LAMA1: variants seen among roughly 807,000 people sequenced by gnomAD.
The protein encoded by LAMA1 is laminin subunit alpha 1, also known as laminin subunit alpha-1.
In LAMA1, 219 loss-of-function variants were observed where a neutral mutation model predicts 348.7. That is an observed-to-expected ratio of 0.63 (90% CI 0.56 to 0.70). The LOEUF is 0.70. Among genes scored for constraint, LAMA1 ranks in the 30% least tolerant of loss-of-function variants. The pLI, the probability that LAMA1 is intolerant of heterozygous loss-of-function variation, is 0.00. For missense variants in LAMA1, 3,744 were observed against 3,888.0 expected (o/e 0.96, Z 0.99); for synonymous variants, 1,487 against 1,491.0 (o/e 1.00, Z 0.06).
chr18:6,947,145 T>C lies in LAMA1; in HGVS notation c.8844+18A>G, dbSNP rs1253550932. On this transcript the variant is annotated intron_variant, in intron 61 of 62. Transcript: ENST00000389658. ...GACACTGGGGGGAGGAAGACCCTCATGGAGAGGAAGCACCCACCTTGCCGT... is the reference window on the plus strand; with the variant it reads ...GACACTGGGGGGAGGAAGACCCTCACGGAGAGGAAGCACCCACCTTGCCGT... 10 of 1,614,050 alleles carry C rather than the reference T, an allele frequency of 6.2e-6. No homozygotes were observed. Among genetic ancestry groups the C allele is most frequent in the Non-Finnish European group, 8.5e-6 (10 of 1,180,030 alleles).
At chr18:7,052,439 A>C (rs954239750) in intron 3 of LAMA1, among the ~76,000 whole-genome samples, 1 of 151,402 alleles carries the variant, frequency 6.6e-6, no homozygotes, top group Non-Finnish European at 1.5e-5. Flanking sequence ...TCAAAAAAAA[A>C]AAAATGGCTG....
chr18:7,034,677 G>C lies in LAMA1; in HGVS notation c.1853C>G (p.Thr618Ser). 6.2e-7 allele frequency: 1 copy of C among 1,613,668 alleles called. No homozygotes were observed. The highest frequency in any genetic ancestry group is 8.5e-7 in the Non-Finnish European group (1 of 1,179,564). The change falls in exon 14 of 63, where the codon ACT (threonine) becomes AGT (serine). Residue 618 changes from threonine (T) to serine (S), a missense_variant. By Grantham distance (58) the Thr-to-Ser change is moderately conservative (BLOSUM62 1). Transcript: ENST00000389658. ...ADVIIKGNGL[T>S]LSTQAEGLSL... ...CAGACCCTCAGCCTGTGTGCTTAAA[G>C]TGAGTCCGTTTCCCTAACATTTAAA...
intron 44 of LAMA1, 141 bp from the exon 45 acceptor site, chr18:6,976,221 A>G: frequency 1.3e-6 from 1 of 770,194 alleles, no homozygotes. Context: ...TTCATGTTTC[A>G]TGAAGTGACA....
chr18:6,993,845 C>CT, intron 34 of LAMA1, 93 bp from the exon 35 acceptor site: 1 of 780,836 alleles, frequency 1.3e-6, no homozygotes, highest in African/African-American at 1.7e-5. Context: ...ACTGTTGCCG[C>CT]TTATAAGCAA....
chr18:7,038,348 C>G (rs1382074389), intron 11 of LAMA1, among the ~76,000 whole-genome samples: 1 of 152,124 alleles, frequency 6.6e-6, no homozygotes, highest in Non-Finnish European at 1.5e-5. Context: ...ACTCCCTGTT[C>G]CGGAAACAAC....
Position 6,977,446 on chromosome 18 carries a change from A to C in LAMA1, c.6345+281T>G, listed in dbSNP as rs553034607. Among the ~76,000 whole-genome samples the C allele has an allele frequency of 9.0e-4, 137 of 152,344 alleles. 1 individual carries two copies. Among genetic ancestry groups the C allele is most frequent in the African/African-American group, 3.1e-3 (130 of 41,592 alleles). On this transcript the variant is annotated intron_variant, in intron 44 of 62. Coordinates refer to ENST00000389658, the MANE Select transcript of LAMA1 (RefSeq NM_005559.4). Reference sequence around the variant, plus strand: ...CCGCACTGTCCAGGCTAATAGTTTTAAATTTAGTCTATAATGATAAATCTC... The same window carrying C: ...CCGCACTGTCCAGGCTAATAGTTTTCAATTTAGTCTATAATGATAAATCTC...
intron 15 of LAMA1, 44 bp downstream of exon 15, chr18:7,032,940 T>C (rs2057977077): frequency 7.0e-7 from 1 of 1,427,704 alleles, no homozygotes; most frequent in African/African-American, 1.4e-5. Context: ...GTTTTCCCCT[T>C]AGGAAGGAAC....
chr18:7,098,356 A>C lies in LAMA1; in HGVS notation c.62-17899T>G, dbSNP rs886101501. Among the ~76,000 whole-genome samples, 25 of 146,664 alleles carry C rather than the reference A, an allele frequency of 1.7e-4. 1 individual carries two copies. Among genetic ancestry groups the C allele is most frequent in the Non-Finnish European group, 2.4e-4 (16 of 66,624 alleles). Reference sequence around the variant, plus strand: ...CCCTCTGCCTGGCTGCCCAGTCTGGAAAGTGAGGAGCGTCTCCGCCCGGCC... The same window carrying C: ...CCCTCTGCCTGGCTGCCCAGTCTGGCAAGTGAGGAGCGTCTCCGCCCGGCC... On this transcript the variant is annotated intron_variant, in intron 1 of 62. Coordinates refer to ENST00000389658, the MANE Select transcript of LAMA1 (RefSeq NM_005559.4).
At chr18:6,947,022 A>C in intron 61 of LAMA1, 141 bp downstream of exon 61, 1 of 1,094,104 alleles carries the variant, frequency 9.1e-7, no homozygotes, top group South Asian at 1.4e-5. Context: ...TTCTTGTAGC[A>C]ATATCTGTTT....
chr18:7,109,610 G>C (rs943133054), intron 1 of LAMA1, among the ~76,000 whole-genome samples: 1 of 152,136 alleles, frequency 6.6e-6, no homozygotes, highest in Non-Finnish European at 1.5e-5. Context: ...TACATTTCAG[G>C]TGAGAGAGTC....
At chr18:6,977,929 G>C in intron 43 of LAMA1, 48 bp from the exon 44 acceptor site, 4 of 1,586,624 alleles carry the variant, frequency 2.5e-6, no homozygotes, top group Non-Finnish European at 3.4e-6. Context: ...TGGGGAGAGG[G>C]AAAAACAAGA....
At chr18:6,958,446 G>T (rs1234879851) in intron 55 of LAMA1, 31 bp downstream of exon 55, 1 of 1,609,310 alleles carries the variant, frequency 6.2e-7, no homozygotes, top group South Asian at 1.1e-5. Flanking sequence ...GTCAGAAAGT[G>T]CAAGAACATG....
At chr18:7,003,557 C>T (rs933136835) in intron 29 of LAMA1, among the ~76,000 whole-genome samples, 1 of 152,054 alleles carries the variant, frequency 6.6e-6, no homozygotes, top group Non-Finnish European at 1.5e-5. Flanking sequence ...CGTGCCCGGC[C>T]AAAAAGGTAC....
At position 7,007,289 on chromosome 18, in the gene LAMA1, A is replaced by G. The variant is rs1302943806; in HGVS notation, c.4123-13T>C. The G allele has an allele frequency of 1.2e-6, 2 of 1,611,602 alleles. No homozygotes were observed. The highest frequency in any genetic ancestry group is 2.2e-5 in the South Asian group (2 of 90,786). On this transcript the variant is annotated splice_polypyrimidine_tract_variant and intron_variant, in intron 28 of 62. Transcript: ENST00000389658. ...CAGGGGCGCAGTCCTGAGGGGGTGC[A>G]AAAGGGAGGACAAAAAAGTCTGATT...
At chr18:7,051,362 TA>T (rs1376289900) in intron 3 of LAMA1, among the ~76,000 whole-genome samples, 2 of 152,270 alleles carry the variant, frequency 1.3e-5, no homozygotes, top group East Asian at 3.9e-4. Flanking sequence ...ATAATTTTTT[TA>T]AAAAATAGAA....
chr18:6,950,809 T>G lies in LAMA1; in HGVS notation c.8370A>C (p.Ala2790=). 1 of 1,614,090 alleles carries G rather than the reference T, an allele frequency of 6.2e-7. No homozygotes were observed. The highest frequency in any genetic ancestry group is 8.5e-7 in the Non-Finnish European group (1 of 1,179,990). ...GKGRTKVSHP[A]LLSDGKWHTV... ...TGTGCCACTTGCCATCACTGAGCAGTGCAGGGTGAGAGACCTTTGTTCTGC... is the reference window on the plus strand; with the variant it reads ...TGTGCCACTTGCCATCACTGAGCAGGGCAGGGTGAGAGACCTTTGTTCTGC... Residue 2790 remains alanine, a synonymous_variant, in exon 58 of 63, where the codon GCA becomes GCC. Coordinates refer to ENST00000389658, the MANE Select transcript of LAMA1 (RefSeq NM_005559.4).
In LAMA1 at chr18:7,051,481, A is replaced by G; in HGVS notation, c.346-545T>C. Among the ~76,000 whole-genome samples, 2 of 152,192 alleles carry G rather than the reference A, an allele frequency of 1.3e-5. 1 individual carries two copies. The highest frequency in any genetic ancestry group is 2.9e-5 in the Non-Finnish European group (2 of 68,040). ...AACTGCTCATACATGTTAATCAGAAATGTGTCTTGTGAATAATCTCCTAGT... is the reference window on the plus strand; with the variant it reads ...AACTGCTCATACATGTTAATCAGAAGTGTGTCTTGTGAATAATCTCCTAGT... On this transcript the variant is annotated intron_variant, in intron 3 of 62. Transcript: ENST00000389658.
intron 1 of LAMA1, among the ~76,000 whole-genome samples, chr18:7,117,409 CTTT>C (rs1484339013): frequency 4.5e-5 from 1 of 22,058 alleles, no homozygotes; most frequent in Non-Finnish European, 9.0e-5. Context: ...CGAGGCTGGG[CTTT>C]AACCCCAAAG....
At chr18:6,967,005 A>G (rs1224973376) in intron 48 of LAMA1, among the ~76,000 whole-genome samples, 1 of 152,218 alleles carries the variant, frequency 6.6e-6, no homozygotes, top group Non-Finnish European at 1.5e-5. Flanking sequence ...ATTTTCTGGA[A>G]TATCATGAGG....
Sources: gnomAD v4.1 joint callset for allele counts (sites outside exome capture counted in the v4.1 genomes callset) on GRCh38, gnomAD v4.1.1 for gene constraint, MANE v1.5 for transcripts, NCBI Gene and HGNC (gene_info 2026-07-23, HGNC 2026-07-21) for gene names.